The following UBXN2A variants were observed in gnomAD, a reference collection of about 807,000 sequenced individuals.
UBXN2A encodes UBX domain protein 2A.
Under a neutral mutation model 28.4 loss-of-function variants are expected in UBXN2A, and 28 were observed. The ratio of observed to expected loss-of-function variants is 0.99; its 90% CI spans 0.73 to 1.35. The LOEUF is 1.35. Ranked by LOEUF, UBXN2A falls within the 40% of genes most tolerant of loss-of-function variation. The pLI, the probability that UBXN2A is intolerant of heterozygous loss-of-function variation, is 0.00. For synonymous variants in UBXN2A, 97 were observed against 103.6 expected (o/e 0.94, Z 0.39); for missense variants, 253 against 297.9 (o/e 0.85, Z 1.11).
intron 1 of UBXN2A, among the ~76,000 whole-genome samples, chr2:23,934,265 A>T (rs1364383502): frequency 6.6e-6 from 1 of 152,244 alleles, no homozygotes; most frequent in East Asian, 1.9e-4. Flanking sequence ...CAATGTGATT[A>T]CTAGCCACAT....
chr2:23,981,783 G>T (rs895283798), intron 4 of UBXN2A, among the ~76,000 whole-genome samples: 1 of 151,928 alleles, frequency 6.6e-6, no homozygotes, highest in Non-Finnish European at 1.5e-5. Context: ...CGCTACTCAG[G>T]AGTCTGAGGC....
intron 6 of UBXN2A, among the ~76,000 whole-genome samples, chr2:23,988,265 C>A (rs1367106498): frequency 6.6e-6 from 1 of 152,120 alleles, no homozygotes; most frequent in Non-Finnish European, 1.5e-5. Context: ...ACAATACAGC[C>A]ATTTAAATCA....
At position 23,963,497 on chromosome 2, in the gene UBXN2A, G is replaced by A. The variant is rs568018033; in HGVS notation, c.41+5142G>A. On this transcript the variant is annotated intron_variant, in intron 2 of 6. Coordinates refer to ENST00000309033, the MANE Select transcript of UBXN2A (RefSeq NM_181713.4). ...AAAAAAAAAAAAAAAGAGAAAAGTG[G>A]AAAAAAAGTCTGAATAGACATTTCT... Among the ~76,000 whole-genome samples the A allele has an allele frequency of 8.8e-4, 133 of 151,170 alleles. 4 individuals are homozygous for A. In the South Asian group the frequency reaches 0.026, roughly 30 times the overall value.
intron 4 of UBXN2A, among the ~76,000 whole-genome samples, chr2:23,978,598 C>G (rs1057386939): frequency 6.6e-6 from 1 of 151,274 alleles, no homozygotes; most frequent in African/African-American, 2.4e-5. Context: ...GAGCCAGGAT[C>G]ACGCCACTGC....
Position 23,977,086 on chromosome 2 carries a change from A to G in UBXN2A, c.287+11A>G. 6 of 1,605,454 alleles carry G rather than the reference A, an allele frequency of 3.7e-6. No individual in the cohort carries two copies. Among genetic ancestry groups the G allele is most frequent in the Non-Finnish European group, 5.1e-6 (6 of 1,172,992 alleles). On this transcript the variant is annotated intron_variant, in intron 4 of 6. Coordinates refer to ENST00000309033, the MANE Select transcript of UBXN2A (RefSeq NM_181713.4). ...CTCCATCAAAAAGGGGTGAGTAGCC[A>G]GGTGTGGTAGGTCAAGCCTGTAAAC...
At chr2:23,984,527 C>A in intron 5 of UBXN2A, 146 bp from the exon 6 acceptor site, 1 of 593,156 alleles carries the variant, frequency 1.7e-6, no homozygotes, top group Non-Finnish European at 2.5e-6. Flanking sequence ...AATAATATAT[C>A]TTTCTGTTAT....
intron 3 of UBXN2A, among the ~76,000 whole-genome samples, chr2:23,972,796 T>G (rs1166984044): frequency 6.6e-6 from 1 of 152,142 alleles, no homozygotes; most frequent in Non-Finnish European, 1.5e-5. Flanking sequence ...CACTCCAGCC[T>G]GGGCGACAGA....
intron 1 of UBXN2A, chr2:23,944,500 C>T (rs751389016): frequency 1.1e-4 from 69 of 607,908 alleles, no homozygotes; most frequent in Non-Finnish European, 1.8e-4. Flanking sequence ...AGTACAGTAC[C>T]TTGTAGACCG....
At chr2:23,987,182 T>A (rs575080920) in intron 6 of UBXN2A, among the ~76,000 whole-genome samples, 38 of 145,106 alleles carry the variant, frequency 2.6e-4, no homozygotes, top group African/African-American at 8.2e-4. Context: ...TTTAAAAAAA[T>A]TTTTTTTCAG....
At chr2:23,949,205 G>A (rs1054894864) in intron 1 of UBXN2A, among the ~76,000 whole-genome samples, 1 of 145,386 alleles carries the variant, frequency 6.9e-6, no homozygotes, top group African/African-American at 2.6e-5. Context: ...CAGGTGATCC[G>A]CCTGCCTTGG....
At chr2:23,985,255 A>T (rs1027105203) in intron 6 of UBXN2A, among the ~76,000 whole-genome samples, 3 of 150,560 alleles carry the variant, frequency 2.0e-5, no homozygotes, top group East Asian at 2.0e-4. Flanking sequence ...TTATTTATTT[A>T]TTTATTTTTT....
At chr2:23,983,367 C>T (rs372460165) in intron 5 of UBXN2A, among the ~76,000 whole-genome samples, 7 of 151,878 alleles carry the variant, frequency 4.6e-5, no homozygotes, top group African/African-American at 1.7e-4. Flanking sequence ...ATTAGCCAGG[C>T]GTGGTGGCAT....
At chr2:23,987,334 T>C (rs1469437909) in intron 6 of UBXN2A, among the ~76,000 whole-genome samples, 1 of 152,220 alleles carries the variant, frequency 6.6e-6, no homozygotes, top group Non-Finnish European at 1.5e-5. Context: ...TCTTCTTCTG[T>C]GGAAGAGGTA....
At chr2:23,932,333 A>G (rs200694124) in intron 1 of UBXN2A, among the ~76,000 whole-genome samples, 26 of 43,602 alleles carry the variant, frequency 6.0e-4, no homozygotes, top group Admixed American at 8.1e-4. Context: ...TCTTGGGGGA[A>G]AAAAAAAAAA....
Position 23,983,045 on chromosome 2 carries a change from T to A in UBXN2A, c.425+12T>A. The A allele has an allele frequency of 2.5e-6, 4 of 1,587,922 alleles. No homozygotes were observed. Among genetic ancestry groups the A allele is most frequent in the Non-Finnish European group, 3.4e-6 (4 of 1,167,772 alleles). On this transcript the variant is annotated intron_variant, in intron 5 of 6. Coordinates refer to ENST00000309033, the MANE Select transcript of UBXN2A (RefSeq NM_181713.4). Reference sequence around the variant, plus strand: ...CACAGACTAGGAAGGTAAATATGCCTATTGTCTTGTTTTGCATAGATCAAG... The same window carrying A: ...CACAGACTAGGAAGGTAAATATGCCAATTGTCTTGTTTTGCATAGATCAAG...
chr2:23,932,451 G>C (rs879466355), intron 1 of UBXN2A, among the ~76,000 whole-genome samples: 2 of 151,750 alleles, frequency 1.3e-5, no homozygotes, highest in African/African-American at 4.8e-5. Flanking sequence ...AAGTATGAGT[G>C]AATTAGAAAT....
chr2:23,950,913 A>G (rs931206998), intron 1 of UBXN2A, among the ~76,000 whole-genome samples: 3 of 151,576 alleles, frequency 2.0e-5, no homozygotes, highest in African/African-American at 4.8e-5. Flanking sequence ...TCCTGACCTC[A>G]GGTGATCCAC....
chr2:24,003,885 A>G lies in UBXN2A; in HGVS notation c.*4018A>G, dbSNP rs1418764249. Reference sequence around the variant, plus strand: ...TTTTATTTGCATAATTATAGTCAACATATGATTCTCCATGTAGGGGTCTCT... The same window carrying G: ...TTTTATTTGCATAATTATAGTCAACGTATGATTCTCCATGTAGGGGTCTCT... On this transcript the variant is annotated 3_prime_UTR_variant, in exon 7 of 7. Transcript: ENST00000309033. 6.6e-6 allele frequency: 1 copy of G among 152,190 alleles called. No individual in the cohort carries two copies. Among genetic ancestry groups the G allele is most frequent in the African/African-American group, 2.4e-5 (1 of 41,460 alleles). 9.4% of individuals were successfully genotyped at this position (152,190 alleles called of 1,614,324 possible).
At chr2:23,953,060 A>T (rs1706452369) in intron 1 of UBXN2A, among the ~76,000 whole-genome samples, 1 of 151,974 alleles carries the variant, frequency 6.6e-6, no homozygotes. Flanking sequence ...TGCTTTTCAC[A>T]GCTTCAAATT....
Sources: allele counts gnomAD v4.1 joint callset (sites outside exome capture counted in the v4.1 genomes callset), GRCh38; gene constraint gnomAD v4.1.1; transcripts MANE v1.5; gene names NCBI Gene and HGNC (gene_info 2026-07-23, HGNC 2026-07-21).